The following TTC19 variants were observed in gnomAD, a reference collection of about 807,000 sequenced individuals.
TTC19 encodes tetratricopeptide repeat domain 19, also known as tetratricopeptide repeat protein 19, mitochondrial.
A neutral mutation model predicts 49.5 loss-of-function variants in TTC19; 38 were observed. The ratio of observed to expected loss-of-function variants is 0.77; its 90% confidence interval spans 0.59 to 1.01. TTC19 has a LOEUF of 1.01. TTC19 is among the 50% of genes least tolerant of loss of function. TTC19 has a pLI of 0.00. For synonymous variants in TTC19, 204 were observed against 185.2 expected (o/e 1.10, Z -0.83); for missense variants, 475 against 477.7 (o/e 0.99, Z 0.05).
In TTC19 at chr17:16,028,002, G is replaced by A; in HGVS notation, c.*480G>A. ...TGGTGAATTGTTGTTCTTATAGTCT[G>A]TTTCATGAAGCACAAGTGGAATTTA... On this transcript the variant is annotated 3_prime_UTR_variant, in exon 10 of 10. Transcript: ENST00000261647. 2.2e-6 allele frequency: 1 copy of A among 454,134 alleles called. No homozygotes were observed. Among genetic ancestry groups the A allele is most frequent in the Non-Finnish European group, 4.4e-6 (1 of 226,862 alleles). 28.1% of individuals were successfully genotyped at this position (454,134 alleles called of 1,614,324 possible).
chr17:16,044,149 A>G (rs2058233849), intron 2 of TTC19, among the ~76,000 whole-genome samples: 1 of 146,678 alleles, frequency 6.8e-6, no homozygotes, highest in Admixed American at 6.9e-5. Context: ...AGCCTGGGCC[A>G]CAGAGTAAGA....
chr17:16,029,520 G>A, downstream of TTC19: 1 of 250,200 alleles, frequency 4.0e-6, no homozygotes, highest in Non-Finnish European at 8.0e-6. Flanking sequence ...AAAACTGGCT[G>A]TCAGAATACT....
chr17:16,005,235 G>T (rs1345228474), intron 6 of TTC19, among the ~76,000 whole-genome samples: 1 of 152,202 alleles, frequency 6.6e-6, no homozygotes, highest in Non-Finnish European at 1.5e-5. Flanking sequence ...CAGATCTGAG[G>T]CTTCGAAAGG....
intron 7 of TTC19, among the ~76,000 whole-genome samples, chr17:16,015,129 G>C (rs1971177431): frequency 6.6e-6 from 1 of 152,086 alleles, no homozygotes; most frequent in East Asian, 1.9e-4. Context: ...AAATGAATTG[G>C]GATGCTTTCT....
chr17:16,006,365 A>G, intron 6 of TTC19, 109 bp from the exon 7 acceptor site: 1 of 807,372 alleles, frequency 1.2e-6, no homozygotes, highest in Non-Finnish European at 2.2e-6. Flanking sequence ...AGCCGAGGTC[A>G]CGCCATTGCA....
chr17:16,000,675 T>C (rs1048897920), intron 2 of TTC19, among the ~76,000 whole-genome samples: 18 of 152,140 alleles, frequency 1.2e-4, no homozygotes, highest in African/African-American at 3.9e-4. Flanking sequence ...TATTTTTTTT[T>C]CCTCCTCTTT....
At chr17:16,024,384 C>T (rs1971482575) in intron 7 of TTC19, 1 of 151,456 alleles carries the variant, frequency 6.6e-6, no homozygotes, top group Non-Finnish European at 1.5e-5. Context: ...CAAGCTCCAC[C>T]TCCTGGGTTC....
At chr17:16,009,265 T>C (rs1164837511) in intron 7 of TTC19, among the ~76,000 whole-genome samples, 1 of 152,094 alleles carries the variant, frequency 6.6e-6, no homozygotes, top group Non-Finnish European at 1.5e-5. Context: ...CTATGGTTTC[T>C]TAGGAGTGTA....
chr17:16,011,143 A>T (rs1289268466), intron 7 of TTC19, among the ~76,000 whole-genome samples: 1 of 152,182 alleles, frequency 6.6e-6, no homozygotes, highest in African/African-American at 2.4e-5. Flanking sequence ...TTTCATTGGC[A>T]TGGCTGGCCA....
chr17:16,010,462 G>A (rs8068598), intron 7 of TTC19, among the ~76,000 whole-genome samples: 3,525 of 148,790 alleles, frequency 0.024, 149 homozygotes, highest in African/African-American at 0.083. Context: ...GTGAGCCACC[G>A]CACTTGGCCC....
rs575521015 is a variant in TTC19 at position 16,028,143 on chromosome 17, AT to A, written c.*622del. The A allele has an allele frequency of 1.7e-3, 778 of 454,094 alleles. 1 individual carries two copies. Among genetic ancestry groups the A allele is most frequent in the Non-Finnish European group, 2.3e-3 (524 of 226,784 alleles). The allele number at this position is 454,094 out of a possible 1,614,324, so 28.1% of individuals were successfully genotyped here. A position where few individuals can be genotyped will look rare whatever the true frequency, so the allele number is the denominator to read the frequency against. ...ATTTGAATTTAAATAAAAGTGAACCATATTTATCTGGTTATATAAAACTAAA... is the reference window on the plus strand; with the variant it reads ...ATTTGAATTTAAATAAAAGTGAACCAATTTATCTGGTTATATAAAACTAAA... On this transcript the variant is annotated 3_prime_UTR_variant, in exon 10 of 10. Coordinates refer to ENST00000261647, the MANE Select transcript of TTC19 (RefSeq NM_017775.4).
Position 16,028,514 on chromosome 17 carries a change from G to A in TTC19, c.*992G>A, listed in dbSNP as rs1354118557. ...GGAAGGTATTTGGTTAGATGACTTTGAATGAATAGACTGCTGTGCTGAAAG... is the reference window on the plus strand; with the variant it reads ...GGAAGGTATTTGGTTAGATGACTTTAAATGAATAGACTGCTGTGCTGAAAG... On this transcript the variant is annotated 3_prime_UTR_variant, in exon 10 of 10. Transcript: ENST00000261647. 1 of 454,062 alleles carries A rather than the reference G, an allele frequency of 2.2e-6. No homozygotes were observed. Among genetic ancestry groups the A allele is most frequent in the Admixed American group, 2.3e-5 (1 of 42,564 alleles). The allele number at this position is 454,062 out of a possible 1,614,324, so 28.1% of individuals were successfully genotyped here.
chr17:16,030,250 T>C (rs1463268636), downstream of TTC19: 1 of 229,358 alleles, frequency 4.4e-6, no homozygotes, highest in Non-Finnish European at 8.6e-6. Flanking sequence ...CCTTGTCATC[T>C]TCATGTTGAA....
chr17:16,030,984 A>C (rs116576373), downstream of TTC19: 1 of 196,884 alleles, frequency 5.1e-6, no homozygotes, highest in African/African-American at 2.3e-5. Context: ...CAAAACTGTT[A>C]GTATCTATGT....
intron 2 of TTC19, among the ~76,000 whole-genome samples, chr17:16,001,211 C>T (rs1185464895): frequency 6.6e-6 from 1 of 152,176 alleles, no homozygotes. Flanking sequence ...TGGCTACCCA[C>T]TGCATTTATG....
Position 16,000,100 on chromosome 17 carries a change from C to A in TTC19, c.185-18C>A. 1 of 1,521,112 alleles carries A rather than the reference C, an allele frequency of 6.6e-7. No homozygotes were observed. The highest frequency in any genetic ancestry group is 1.2e-5 in the South Asian group (1 of 81,708). The allele number at this position is 1,521,112 out of a possible 1,614,324, so 94.2% of individuals were successfully genotyped here. A position where few individuals can be genotyped will look rare whatever the true frequency, so the allele number is the denominator to read the frequency against. On this transcript the variant is annotated intron_variant, in intron 1 of 9. Transcript: ENST00000261647. ...GGGCGCGGGCCGGGCCCGATGACCT[C>A]AGAGCCCCTTCCCGCAGCGCTCGCC...
At chr17:16,022,441 CAA>C (rs1056566312) in intron 7 of TTC19, among the ~76,000 whole-genome samples, 5 of 152,164 alleles carry the variant, frequency 3.3e-5, no homozygotes, top group African/African-American at 1.2e-4. Context: ...AGTTGATTAA[CAA>C]GAGATTTAGT....
chr17:16,018,166 T>G (rs187414590), intron 7 of TTC19, among the ~76,000 whole-genome samples: 25 of 152,320 alleles, frequency 1.6e-4, no homozygotes, highest in Non-Finnish European at 2.9e-5. Flanking sequence ...AAATAGTCTA[T>G]TTTCTCCTGC....
intron 2 of TTC19, chr17:16,040,476 G>C: frequency 6.2e-7 from 1 of 1,613,666 alleles, no homozygotes; most frequent in Non-Finnish European, 8.5e-7. Context: ...AAAGATCTCA[G>C]TTCCTGGCTG....
Sources: gnomAD v4.1 joint callset for allele counts (sites outside exome capture counted in the v4.1 genomes callset) on GRCh38, gnomAD v4.1.1 for gene constraint, MANE v1.5 for transcripts, NCBI Gene and HGNC (gene_info 2026-07-23, HGNC 2026-07-21) for gene names.